Variants in KCNAB2 observed in about 807,000 individuals in gnomAD.
KCNAB2 encodes potassium voltage-gated channel subfamily A regulatory beta subunit 2.
Under a neutral mutation model 63.6 loss-of-function variants are expected in KCNAB2, and 29 were observed. That is an observed-to-expected ratio of 0.46 (90% confidence interval 0.34 to 0.62). The LOEUF (loss-of-function observed/expected upper bound fraction) is 0.62. KCNAB2 is among the 20% of genes least tolerant of loss of function. The pLI is 0.01. For missense variants in KCNAB2, 359 were observed against 563.9 expected (o/e 0.64, Z 3.68); for synonymous variants, 222 against 224.2 (o/e 0.99, Z 0.09).
chr1:6,047,451 C>A (rs1401682841), intron 1 of KCNAB2, among the ~76,000 whole-genome samples: 1 of 152,164 alleles, frequency 6.6e-6, no homozygotes, highest in South Asian at 2.1e-4. Context: ...TGGGGCAGCC[C>A]TCCCAGAGTC....
At position 6,100,314 on chromosome 1, in the gene KCNAB2, C is replaced by T. The variant is rs1665948335; in HGVS notation, c.*1740C>T. ...TTGCCCCTCCTCATAGACCAAGTCC[C>T]GGGGGTCTCCACTCAGTCCTGCTGC... On this transcript the variant is annotated 3_prime_UTR_variant, in exon 16 of 16. Transcript: ENST00000378083. 3 of 363,052 alleles carry T rather than the reference C, an allele frequency of 8.3e-6. No individual in the cohort carries two copies. Among genetic ancestry groups the T allele is most frequent in the Admixed American group, 4.3e-5 (1 of 23,298 alleles). The allele number at this position is 363,052 out of a possible 1,614,324, so 22.5% of individuals were successfully genotyped here.
intron 6 of KCNAB2, 47 bp downstream of exon 6, chr1:6,085,295 G>C (rs762708527): frequency 6.4e-7 from 1 of 1,560,860 alleles, no homozygotes; most frequent in Non-Finnish European, 8.8e-7. Flanking sequence ...GGGTGCGGGC[G>C]AACTATCCCA....
At chr1:6,005,796 C>T in intron 1 of KCNAB2, among the ~76,000 whole-genome samples, 1 of 151,844 alleles carries the variant, frequency 6.6e-6, no homozygotes, top group East Asian at 1.9e-4. Flanking sequence ...AGGATGCCGG[C>T]CGGAGTTTCC....
At chr1:6,040,426 G>A (rs952269783) in intron 1 of KCNAB2, 1 of 705,500 alleles carries the variant, frequency 1.4e-6, no homozygotes, top group Non-Finnish European at 2.6e-6. Flanking sequence ...AGCCTCCTCA[G>A]CCTTTGTGAT....
rs552286951 is a variant in KCNAB2, at chr1:5,996,606, T to G, written c.-53+3818T>G. ...ACCTGTCTCCTTGCAGGCAGCCTCC[T>G]CCACTTCTCCAGCACACAGGTACCC... is the stretch of plus-strand genomic sequence containing the variant. On this transcript the variant is annotated intron_variant, in intron 1 of 16. Coordinates refer to the KCNAB2 transcript ENST00000341524. Among the ~76,000 whole-genome samples, 231 of 152,324 alleles carry G rather than the reference T, an allele frequency of 1.5e-3. 1 individual carries two copies. The highest frequency in any genetic ancestry group is 5.4e-3 in the African/African-American group (225 of 41,582).
At chr1:6,000,024 C>T (rs751525155) in intron 1 of KCNAB2, among the ~76,000 whole-genome samples, 4 of 151,648 alleles carry the variant, frequency 2.6e-5, no homozygotes, top group Non-Finnish European at 5.9e-5. Context: ...ACCCTGTCTG[C>T]GCCGTCCGTG....
chr1:6,051,866 G>A lies in KCNAB2; in HGVS notation c.218+112G>A, dbSNP rs142726182. Reference sequence around the variant, plus strand: ...CACCTGTAATCCCAGCACTTGGGGAGGCAGAGGCGGGTGGATCACCTGAGA... The same window carrying A: ...CACCTGTAATCCCAGCACTTGGGGAAGCAGAGGCGGGTGGATCACCTGAGA... On this transcript the variant is annotated intron_variant, in intron 2 of 15. Transcript: ENST00000378083. 8.7e-3 allele frequency: 10,789 copies of A among 1,240,702 alleles called. 73 individuals carry two copies. Among genetic ancestry groups the A allele is most frequent in the Non-Finnish European group, 0.011 (9,782 of 921,352 alleles). The allele number at this position is 1,240,702 out of a possible 1,614,324, so 76.9% of individuals were successfully genotyped here. A position where few individuals can be genotyped will look rare whatever the true frequency, so the allele number is the denominator to read the frequency against.
intron 10 of KCNAB2, among the ~76,000 whole-genome samples, chr1:6,093,250 C>T (rs1480886446): frequency 6.6e-6 from 1 of 152,236 alleles, no homozygotes; most frequent in Non-Finnish European, 1.5e-5. Context: ...TCTTTAGAAA[C>T]ACTTGCACTC....
At chr1:6,067,470 A>G (rs1662852183) in intron 2 of KCNAB2, among the ~76,000 whole-genome samples, 2 of 152,208 alleles carry the variant, frequency 1.3e-5, no homozygotes, top group Non-Finnish European at 2.9e-5. Flanking sequence ...TTAAACCTCT[A>G]CAAAACCAAT....
rs1020135308 is a variant in KCNAB2 at position 6,035,219 on chromosome 1, G to C, written c.-53+425G>C. Among the ~76,000 whole-genome samples the C allele has an allele frequency of 1.3e-5, 2 of 152,186 alleles. No homozygotes were observed. Among genetic ancestry groups the C allele is most frequent in the Non-Finnish European group, 2.9e-5 (2 of 68,018 alleles). ...GGGTTCACAGACCCCCAGGGAGCCA[G>C]TGTGGCAGGGGCCAGTGTGTGAGGG... On this transcript the variant is annotated intron_variant, in intron 1 of 15. Transcript: ENST00000164247. This position sits in a 1 kb window ranked among gnomAD's most constrained non-coding sequence, Gnocchi z 5.0.
chr1:6,096,802 G>C lies in KCNAB2; in HGVS notation c.1069+46G>C. ...GGGCCAGTGCCCCTGGGGAGAACCTGCCCCAGCTGGCCGTAGGTAACAGGG... is the reference window on the plus strand; with the variant it reads ...GGGCCAGTGCCCCTGGGGAGAACCTCCCCCAGCTGGCCGTAGGTAACAGGG... On this transcript the variant is annotated intron_variant, in intron 14 of 15. Transcript: ENST00000378083. This position sits in a 1 kb window ranked among gnomAD's most constrained non-coding sequence, Gnocchi z 5.9. 1 of 1,505,484 alleles carries C rather than the reference G, an allele frequency of 6.6e-7. No individual in the cohort carries two copies. Among genetic ancestry groups the C allele is most frequent in the Non-Finnish European group, 8.9e-7 (1 of 1,119,792 alleles). 93.3% of individuals were successfully genotyped at this position (1,505,484 alleles called of 1,614,324 possible). A position where few individuals can be genotyped will look rare whatever the true frequency, so the allele number is the denominator to read the frequency against.
chr1:6,051,617 C>T lies in KCNAB2; in HGVS notation c.81C>T (p.Arg27=). The stretch of plus-strand genomic sequence containing the variant: ...CTGAATGGGCCCTGCACCCCGTCCG[C>T]CAGACGGACACGCTGGAACTGCAGC... ...CHSEWALHPV[R]QTDTLELQRL... is the part of the protein sequence containing the mutation. The change falls in exon 2 of 16, where the codon CGC becomes CGT. Residue 27 remains arginine, a synonymous_variant. Coordinates refer to ENST00000378083, the MANE Select transcript of KCNAB2 (RefSeq NM_001199862.2). The T allele has an allele frequency of 6.5e-7, 1 of 1,534,802 alleles. No homozygotes were observed. Among genetic ancestry groups the T allele is most frequent in the South Asian group, 1.2e-5 (1 of 83,978 alleles).
chr1:6,063,975 T>G (rs1298560222), intron 2 of KCNAB2, among the ~76,000 whole-genome samples: 1 of 152,222 alleles, frequency 6.6e-6, no homozygotes, highest in East Asian at 1.9e-4. Context: ...TGAGTCTCCC[T>G]GAACTCTGTG....
chr1:6,033,330 G>C (rs757609307), upstream of KCNAB2, among the ~76,000 whole-genome samples: 2 of 148,992 alleles, frequency 1.3e-5, no homozygotes, highest in Non-Finnish European at 1.5e-5. Flanking sequence ...ATGTGTGCCT[G>C]TATTGTGCAT....
intron 1 of KCNAB2, among the ~76,000 whole-genome samples, chr1:6,007,890 C>T (rs1464336479): frequency 6.6e-6 from 1 of 152,170 alleles, no homozygotes; most frequent in Non-Finnish European, 1.5e-5. Context: ...GCACTGCAGC[C>T]AGGTAGAGGC....
chr1:6,031,738 A>G (rs1659640751), upstream of KCNAB2, among the ~76,000 whole-genome samples: 1 of 150,762 alleles, frequency 6.6e-6, no homozygotes, highest in Admixed American at 6.6e-5. This position sits in a 1 kb window ranked among gnomAD's most constrained non-coding sequence, Gnocchi z 4.1. Context: ...AAAAAAAAAA[A>G]AATAGCCAGG....
At chr1:6,025,532 G>A (rs1451613217) in intron 1 of KCNAB2, among the ~76,000 whole-genome samples, 4 of 152,202 alleles carry the variant, frequency 2.6e-5, no homozygotes, top group Admixed American at 1.3e-4. Flanking sequence ...AGGCCGCGGG[G>A]AGGGAGAAAA....
At position 6,099,758 on chromosome 1, in the gene KCNAB2, T is replaced by C; in HGVS notation, c.*1184T>C. 1 of 1,456,470 alleles carries C rather than the reference T, an allele frequency of 6.9e-7. No homozygotes were observed. The highest frequency in any genetic ancestry group is 9.1e-7 in the Non-Finnish European group (1 of 1,102,966). 90.2% of individuals were successfully genotyped at this position (1,456,470 alleles called of 1,614,324 possible). A position where few individuals can be genotyped will look rare whatever the true frequency, so the allele number is the denominator to read the frequency against. ...ATGTAGGAAAAGACCTCAGGGAACC[T>C]CTCCCTGGAAAGACGGGCAGGGCTG... On this transcript the variant is annotated 3_prime_UTR_variant, in exon 16 of 16. Transcript: ENST00000378083.
rs1657392347 is a variant in KCNAB2, at chr1:6,003,706, C to T, written c.-53+10918C>T. The stretch of plus-strand genomic sequence containing the variant: ...CTCTACTACCCAATTTCAAAAAGGT[C>T]GTAGTATATAGCTCATGTCCCAGAA... On this transcript the variant is annotated intron_variant, in intron 1 of 16. Coordinates refer to the KCNAB2 transcript ENST00000341524. The surrounding 1 kb of genome is among the most constrained non-coding windows in gnomAD (Gnocchi z 4.1). 6.6e-6 allele frequency among the ~76,000 whole-genome samples: 1 copy of T among 152,182 alleles called. No homozygotes were observed. The highest frequency in any genetic ancestry group is 1.5e-5 in the Non-Finnish European group (1 of 68,036).
Sources: allele counts gnomAD v4.1 joint callset (sites outside exome capture counted in the v4.1 genomes callset), GRCh38; gene constraint gnomAD v4.1.1; non-coding constraint Gnocchi (gnomAD v3.1); transcripts MANE v1.5; gene names NCBI Gene and HGNC (gene_info 2026-07-23, HGNC 2026-07-21).